The following LRFN5 variants were observed in gnomAD, a reference collection of about 807,000 sequenced individuals.
LRFN5 encodes the protein leucine rich repeat and fibronectin type III domain containing 5.
Under a neutral mutation model 45.6 loss-of-function variants are expected in LRFN5, and 24 were observed. The observed-to-expected ratio is 0.53, with a 90% CI of 0.38 to 0.74. LRFN5 has a LOEUF of 0.74. Among genes scored for constraint, LRFN5 ranks in the 30% least tolerant of loss-of-function variants. LRFN5 has a pLI of 0.00. For missense variants in LRFN5, 776 were observed against 861.5 expected (o/e 0.90, Z 1.24); for synonymous variants, 340 against 313.8 (o/e 1.08, Z -0.88).
chr14:41,736,476 T>C (rs34318306), intron 1 of LRFN5, among the ~76,000 whole-genome samples: 1 of 152,176 alleles, frequency 6.6e-6, no homozygotes, highest in African/African-American at 2.4e-5. Flanking sequence ...TTTAAGTTCT[T>C]TGTAGATTCT....
At chr14:41,830,553 A>G (rs1180602020) in intron 2 of LRFN5, among the ~76,000 whole-genome samples, 1 of 152,168 alleles carries the variant, frequency 6.6e-6, no homozygotes, top group East Asian at 1.9e-4. Context: ...TGATCAGGAA[A>G]GCAGAGCTAC....
intron 1 of LRFN5, among the ~76,000 whole-genome samples, chr14:41,765,060 G>A (rs921442249): frequency 1.3e-5 from 2 of 151,944 alleles, no homozygotes; most frequent in African/African-American, 4.8e-5. Context: ...ACAGAGCACA[G>A]GCCGGGCGTG....
chr14:41,662,495 G>C (rs1880701137), intron 1 of LRFN5, among the ~76,000 whole-genome samples: 1 of 151,972 alleles, frequency 6.6e-6, no homozygotes, highest in Non-Finnish European at 1.5e-5. Context: ...ATTTTAAATA[G>C]TACAGATATA....
chr14:41,693,420 C>T (rs181785455), intron 1 of LRFN5, among the ~76,000 whole-genome samples: 39 of 152,134 alleles, frequency 2.6e-4, no homozygotes, highest in Admixed American at 1.8e-3. Context: ...TTTTACTCAA[C>T]GTGTTTTGTA....
chr14:41,649,308 A>G (rs1472712040), intron 1 of LRFN5, among the ~76,000 whole-genome samples: 2 of 151,554 alleles, frequency 1.3e-5, no homozygotes, highest in African/African-American at 4.8e-5. Context: ...TAGAATTTTA[A>G]TAATATTGAG....
intron 1 of LRFN5, among the ~76,000 whole-genome samples, chr14:41,759,014 CAT>C (rs1196469762): frequency 6.6e-6 from 1 of 152,030 alleles, no homozygotes; most frequent in Non-Finnish European, 1.5e-5. Flanking sequence ...TACAATTATT[CAT>C]ATTATATTCC....
At chr14:41,870,204 T>C (rs1222897037) in intron 2 of LRFN5, among the ~76,000 whole-genome samples, 1 of 152,172 alleles carries the variant, frequency 6.6e-6, no homozygotes, top group African/African-American at 2.4e-5. Context: ...ATTTTCTCAC[T>C]GCTGTAGAAT....
At chr14:41,901,249 T>C (rs1167511863) in intron 5 of LRFN5, among the ~76,000 whole-genome samples, 1 of 152,112 alleles carries the variant, frequency 6.6e-6, no homozygotes, top group Non-Finnish European at 1.5e-5. Context: ...GACACTTACC[T>C]ATAAATTTTC....
At chr14:41,634,329 T>C (rs1888655062) in intron 1 of LRFN5, among the ~76,000 whole-genome samples, 3 of 152,122 alleles carry the variant, frequency 2.0e-5, no homozygotes, top group Admixed American at 2.0e-4. Context: ...TAGCCAAAAA[T>C]ATGTCACTAA....
At chr14:41,862,713 G>T (rs1313886573) in intron 2 of LRFN5, among the ~76,000 whole-genome samples, 1 of 152,022 alleles carries the variant, frequency 6.6e-6, no homozygotes, top group Non-Finnish European at 1.5e-5. Context: ...TTTTTTATGA[G>T]GGGTCATTGG....
intron 2 of LRFN5, among the ~76,000 whole-genome samples, chr14:41,827,655 A>C (rs1358007828): frequency 6.6e-6 from 1 of 152,046 alleles, no homozygotes. Context: ...CTATGAAAAC[A>C]AAACCATAGA....
rs570728781 is a variant in LRFN5, at chr14:41,632,544, C to T, written c.-197+23982C>T. Among the ~76,000 whole-genome samples, 7 of 151,956 alleles carry T rather than the reference C, an allele frequency of 4.6e-5. No individual in the cohort carries two copies. In the East Asian group the frequency reaches 1.2e-3, roughly 25 times the overall value. ...CTTGAACCCAGGAGGTGGAGGTTGCCGTGAGCCGAGATCGCACTATTGCAC... is the reference window on the plus strand; with the variant it reads ...CTTGAACCCAGGAGGTGGAGGTTGCTGTGAGCCGAGATCGCACTATTGCAC... On this transcript the variant is annotated intron_variant, in intron 1 of 5. Transcript: ENST00000298119.
At chr14:41,707,806 AC>A (rs1281562971) in intron 1 of LRFN5, among the ~76,000 whole-genome samples, 2 of 152,080 alleles carry the variant, frequency 1.3e-5, no homozygotes, top group African/African-American at 4.8e-5. Flanking sequence ...CTTTTGGACT[AC>A]ATTGGTAGAG....
chr14:41,816,130 C>G (rs1157343615), intron 2 of LRFN5, among the ~76,000 whole-genome samples: 1 of 151,776 alleles, frequency 6.6e-6, no homozygotes, highest in East Asian at 1.9e-4. Context: ...TCCGTCTCCC[C>G]CATGTTCCTA....
intron 2 of LRFN5, among the ~76,000 whole-genome samples, chr14:41,768,999 G>A (rs571276099): frequency 3.8e-4 from 57 of 151,896 alleles, no homozygotes; most frequent in African/African-American, 1.2e-3. Context: ...GTCCATTAGC[G>A]TGTAGAAGTA....
intron 1 of LRFN5, among the ~76,000 whole-genome samples, chr14:41,644,103 T>C (rs1035787459): frequency 6.6e-6 from 1 of 152,218 alleles, no homozygotes; most frequent in African/African-American, 2.4e-5. Context: ...AAAGTGTGTT[T>C]TTGTTTCTGA....
intron 5 of LRFN5, among the ~76,000 whole-genome samples, chr14:41,900,708 A>C (rs1891076489): frequency 6.6e-6 from 1 of 152,154 alleles, no homozygotes; most frequent in South Asian, 2.1e-4. Flanking sequence ...TATCAGATTT[A>C]AGTTACTGTA....
At chr14:41,762,020 T>C (rs551096166) in intron 1 of LRFN5, among the ~76,000 whole-genome samples, 119 of 152,054 alleles carry the variant, frequency 7.8e-4, no homozygotes, top group African/African-American at 2.8e-3. Flanking sequence ...CTCTTTTTTG[T>C]ATGTGGTGAG....
intron 2 of LRFN5, among the ~76,000 whole-genome samples, chr14:41,861,227 T>C (rs1264237574): frequency 6.6e-6 from 1 of 152,246 alleles, no homozygotes; most frequent in African/African-American, 2.4e-5. Context: ...TATTTTAACA[T>C]TGACTTATGC....
Sources: allele counts gnomAD v4.1 joint callset (sites outside exome capture counted in the v4.1 genomes callset), GRCh38; gene constraint gnomAD v4.1.1; transcripts MANE v1.5; gene names NCBI Gene and HGNC (gene_info 2026-07-23, HGNC 2026-07-21).